Variants in CACNA2D3 observed in about 807,000 individuals in gnomAD.
The protein encoded by CACNA2D3 is voltage-dependent calcium channel subunit alpha-2/delta-3.
CACNA2D3 carries 60 observed loss-of-function variants against 160.6 expected under a neutral mutation model. The observed-to-expected ratio is 0.37, with a 90% confidence interval of 0.30 to 0.46. The LOEUF (loss-of-function observed/expected upper bound fraction) is 0.46. Ranked by LOEUF, CACNA2D3 falls within the 20% of genes least tolerant of loss-of-function variation. The pLI is 1.00. For missense variants in CACNA2D3, 1,205 were observed against 1,365.0 expected (o/e 0.88, Z 1.85); for synonymous variants, 558 against 492.9 (o/e 1.13, Z -1.75).
At chr3:54,907,885 A>G (rs1159146538) in intron 27 of CACNA2D3, among the ~76,000 whole-genome samples, 1 of 152,140 alleles carries the variant, frequency 6.6e-6, no homozygotes, top group Non-Finnish European at 1.5e-5. Flanking sequence ...ATCCATCTAC[A>G]TTGTAGCCTG....
chr3:54,687,458 A>G lies in CACNA2D3; in HGVS notation c.1167+45217A>G, dbSNP rs1700488416. Among the ~76,000 whole-genome samples, 5 of 151,712 alleles carry G rather than the reference A, an allele frequency of 3.3e-5. No homozygotes were observed. In the South Asian group the frequency reaches 8.3e-4, roughly 25 times the overall value. ...AGCCACCATGCCCGGGCAAATTTTTACTTTTCTTGGGACAAATTTTTCTAA... is the reference window on the plus strand; with the variant it reads ...AGCCACCATGCCCGGGCAAATTTTTGCTTTTCTTGGGACAAATTTTTCTAA... On this transcript the variant is annotated intron_variant, in intron 11 of 37. Coordinates refer to ENST00000474759, the MANE Select transcript of CACNA2D3 (RefSeq NM_018398.3).
At chr3:54,858,457 C>T (rs1699217391) in intron 17 of CACNA2D3, among the ~76,000 whole-genome samples, 1 of 152,226 alleles carries the variant, frequency 6.6e-6, no homozygotes, top group Admixed American at 6.5e-5. Context: ...CCATCTGTGA[C>T]AGCCTGCTGG....
chr3:54,949,816 ATTCT>A (rs1701711572), intron 27 of CACNA2D3, among the ~76,000 whole-genome samples: 1 of 152,072 alleles, frequency 6.6e-6, no homozygotes, highest in African/African-American at 2.4e-5. Context: ...TTTGCCTGTG[ATTCT>A]TTCTGAAAAC....
chr3:54,915,006 T>G (rs1296551122), intron 27 of CACNA2D3, among the ~76,000 whole-genome samples: 1 of 152,214 alleles, frequency 6.6e-6, no homozygotes, highest in East Asian at 1.9e-4. Context: ...GATAAAGGTG[T>G]CTTGTTTCAG....
intron 35 of CACNA2D3, among the ~76,000 whole-genome samples, chr3:55,060,298 T>C (rs1704475749): frequency 6.6e-6 from 1 of 152,180 alleles, no homozygotes; most frequent in Non-Finnish European, 1.5e-5. Flanking sequence ...AAGACTATCA[T>C]ACAATGCCTG....
chr3:55,069,116 C>CTCA (rs1704739988), intron 35 of CACNA2D3, among the ~76,000 whole-genome samples: 1 of 152,120 alleles, frequency 6.6e-6, no homozygotes, highest in African/African-American at 2.4e-5. Context: ...CTATTTGTTA[C>CTCA]TCATCTGTGT....
intron 31 of CACNA2D3, among the ~76,000 whole-genome samples, chr3:54,994,838 G>A (rs950873025): frequency 5.3e-5 from 8 of 152,190 alleles, no homozygotes; most frequent in Non-Finnish European, 1.0e-4. Flanking sequence ...AGATTCCAGA[G>A]CATGTTCTCC....
At chr3:54,316,893 A>G (rs1483964482) in intron 2 of CACNA2D3, among the ~76,000 whole-genome samples, 1 of 152,252 alleles carries the variant, frequency 6.6e-6, no homozygotes, top group African/African-American at 2.4e-5. Flanking sequence ...GGCCTGGTTT[A>G]AAACCAAAAA....
chr3:54,848,077 G>A (rs1469539248), intron 17 of CACNA2D3, among the ~76,000 whole-genome samples: 1 of 152,166 alleles, frequency 6.6e-6, no homozygotes, highest in Non-Finnish European at 1.5e-5. Context: ...GAAATGATTA[G>A]CTGCCCGCCA....
intron 17 of CACNA2D3, among the ~76,000 whole-genome samples, chr3:54,848,470 A>G (rs1029464513): frequency 6.6e-6 from 1 of 152,210 alleles, no homozygotes; most frequent in East Asian, 1.9e-4. Context: ...AAACCATATG[A>G]ACCATGTTGC....
At chr3:55,072,694 A>T (rs1454881910) in intron 35 of CACNA2D3, among the ~76,000 whole-genome samples, 2 of 152,222 alleles carry the variant, frequency 1.3e-5, no homozygotes, top group East Asian at 3.8e-4. Context: ...CCAAAGAAAG[A>T]GTCAGTAGTG....
chr3:54,126,703 G>A (rs1699600658), intron 2 of CACNA2D3, among the ~76,000 whole-genome samples: 1 of 152,152 alleles, frequency 6.6e-6, no homozygotes, highest in South Asian at 2.1e-4. Flanking sequence ...TCATCTTGAG[G>A]GGTTTTAGAT....
intron 13 of CACNA2D3, among the ~76,000 whole-genome samples, chr3:54,790,035 G>C (rs1307122105): frequency 6.6e-6 from 1 of 152,132 alleles, no homozygotes; most frequent in South Asian, 2.1e-4. Context: ...TCCTACTTAG[G>C]TATTTATGTC....
rs1217898723 is a variant in CACNA2D3 at position 54,809,311 on chromosome 3, CTTTTTT to C, written c.1381-7529_1381-7524del. Among the ~76,000 whole-genome samples the C allele has an allele frequency of 2.8e-4, 23 of 80,726 alleles. 2 individuals are homozygous for C. The highest frequency in any genetic ancestry group is 1.2e-3 in the African/African-American group (21 of 16,826). The allele number at this position is 80,726 out of a possible 152,430, so 53.0% of individuals were successfully genotyped here. A position where few individuals can be genotyped will look rare whatever the true frequency, so the allele number is the denominator to read the frequency against. On this transcript the variant is annotated intron_variant, in intron 13 of 37. Transcript: ENST00000474759. ...TCTTTCTTTCCTTCCTTCCTTCTTT[CTTTTTT>C]TTTTTTTTTTTTGAGACGGAGTCTC...
intron 11 of CACNA2D3, among the ~76,000 whole-genome samples, chr3:54,684,014 A>C (rs1700403927): frequency 7.6e-6 from 1 of 131,890 alleles, no homozygotes; most frequent in Non-Finnish European, 1.5e-5. Context: ...CATGTAGCCC[A>C]AGCTGGAGTG....
At chr3:54,537,699 A>C (rs1701910837) in intron 5 of CACNA2D3, among the ~76,000 whole-genome samples, 1 of 152,152 alleles carries the variant, frequency 6.6e-6, no homozygotes, top group Admixed American at 6.5e-5. Flanking sequence ...ACTCGGGCAT[A>C]GTCAAGTAGG....
At chr3:54,799,198 T>C (rs1207951574) in intron 13 of CACNA2D3, among the ~76,000 whole-genome samples, 1 of 152,184 alleles carries the variant, frequency 6.6e-6, no homozygotes, top group African/African-American at 2.4e-5. Context: ...CAGAAATGCC[T>C]GGAGTTGTAC....
intron 9 of CACNA2D3, among the ~76,000 whole-genome samples, chr3:54,622,948 G>A (rs1225251012): frequency 1.3e-5 from 2 of 152,174 alleles, no homozygotes; most frequent in South Asian, 2.1e-4. Flanking sequence ...CGCACCATAC[G>A]ATGGCTGTGA....
chr3:54,802,688 A>G (rs1703021021), intron 13 of CACNA2D3, among the ~76,000 whole-genome samples: 1 of 152,164 alleles, frequency 6.6e-6, no homozygotes, highest in South Asian at 2.1e-4. Flanking sequence ...CCTGTCTGAC[A>G]GCTTTGAAGA....
Sources: gnomAD v4.1 joint callset for allele counts (sites outside exome capture counted in the v4.1 genomes callset) on GRCh38, gnomAD v4.1.1 for gene constraint, MANE v1.5 for transcripts, NCBI Gene and HGNC (gene_info 2026-07-23, HGNC 2026-07-21) for gene names.